Variants in GALNT13 observed in about 807,000 individuals in gnomAD.
The protein encoded by GALNT13 is UDP-GalNAc:polypeptide N-acetylgalactosaminyltransferase 13.
In GALNT13, 28 loss-of-function variants were observed where a neutral mutation model predicts 64.2. That is an observed-to-expected ratio of 0.44 (90% CI 0.32 to 0.60). GALNT13 has a LOEUF of 0.60. Ranked by LOEUF, GALNT13 falls within the 20% of genes least tolerant of loss-of-function variation. The probability of loss-of-function intolerance (pLI) is 0.05; values close to 1 mark genes in which losing one functional copy is unlikely to be tolerated. For synonymous variants in GALNT13, 214 were observed against 224.6 expected (o/e 0.95, Z 0.42); for missense variants, 577 against 669.8 (o/e 0.86, Z 1.53).
rs116804078 is a variant in GALNT13 at position 154,124,671 on chromosome 2, A to G, written c.143-15666A>G. 6.9e-3 allele frequency among the ~76,000 whole-genome samples: 1,044 copies of G among 151,990 alleles called. 8 individuals are homozygous for G. Among genetic ancestry groups the G allele is most frequent in the African/African-American group, 0.024 (979 of 41,524 alleles). On this transcript the variant is annotated intron_variant, in intron 3 of 12. Coordinates refer to ENST00000392825, the MANE Select transcript of GALNT13 (RefSeq NM_052917.4). The stretch of plus-strand genomic sequence containing the variant: ...GGGAAAGTTTAATTAATTTTAATAG[A>G]TATGGATTCTATGATTTAATATGAA...
chr2:153,848,720 T>A, the GALNT13 span, among the ~76,000 whole-genome samples: 1 of 151,958 alleles, frequency 6.6e-6, no homozygotes, highest in Non-Finnish European at 1.5e-5. Context: ...TATAAAAATA[T>A]ACAAACTTTT....
chr2:153,372,328 G>A, the GALNT13 span, among the ~76,000 whole-genome samples: 1 of 151,404 alleles, frequency 6.6e-6, no homozygotes, highest in East Asian at 1.9e-4. Flanking sequence ...TCTTCCCACA[G>A]AAAGAAATAA....
At chr2:153,463,650 A>G in the GALNT13 span, among the ~76,000 whole-genome samples, 1 of 152,050 alleles carries the variant, frequency 6.6e-6, no homozygotes, top group African/African-American at 2.4e-5. Context: ...GAGGAATGGA[A>G]AAGGAACGGA....
At chr2:153,346,203 A>C in the GALNT13 span, among the ~76,000 whole-genome samples, 1 of 152,282 alleles carries the variant, frequency 6.6e-6, no homozygotes, top group East Asian at 1.9e-4. Context: ...AGATTACAGC[A>C]TGAATCATAA....
chr2:153,085,344 A>G, the GALNT13 span, among the ~76,000 whole-genome samples: 1 of 152,150 alleles, frequency 6.6e-6, no homozygotes, highest in African/African-American at 2.4e-5. Context: ...TCCCCAAGAC[A>G]ATGGGGAAAA....
chr2:154,301,866 T>C (rs1418719235), intron 9 of GALNT13, among the ~76,000 whole-genome samples: 1 of 152,092 alleles, frequency 6.6e-6, no homozygotes, highest in Non-Finnish European at 1.5e-5. Context: ...CTATATTTAT[T>C]ATTAACTCGA....
intron 2 of GALNT13, among the ~76,000 whole-genome samples, chr2:153,943,964 C>T (rs949326278): frequency 6.6e-6 from 1 of 152,126 alleles, no homozygotes; most frequent in African/African-American, 2.4e-5. Context: ...CAGACCCAGA[C>T]GTGTCTGTCT....
At chr2:153,832,131 T>C in the GALNT13 span, among the ~76,000 whole-genome samples, 1 of 152,166 alleles carries the variant, frequency 6.6e-6, no homozygotes, top group Non-Finnish European at 1.5e-5. Flanking sequence ...ATAGCATAAA[T>C]GAAGTCTACC....
At chr2:153,676,088 A>ACTACAACT in the GALNT13 span, among the ~76,000 whole-genome samples, 1 of 152,144 alleles carries the variant, frequency 6.6e-6, no homozygotes, top group Admixed American at 6.6e-5. Flanking sequence ...AGTTTTTTGA[A>ACTACAACT]AGATCAACTA....
chr2:154,297,711 C>T (rs1313492625), intron 8 of GALNT13, among the ~76,000 whole-genome samples: 2 of 152,122 alleles, frequency 1.3e-5, no homozygotes, highest in South Asian at 2.1e-4. Context: ...AATTATTTTA[C>T]AGATAGCACT....
At chr2:154,365,461 C>T (rs568798292) in intron 9 of GALNT13, among the ~76,000 whole-genome samples, 3 of 152,206 alleles carry the variant, frequency 2.0e-5, no homozygotes, top group East Asian at 1.9e-4. Flanking sequence ...TAGAACTTGC[C>T]GTTTTTATTA....
chr2:154,293,888 C>G (rs1692775766), intron 8 of GALNT13, among the ~76,000 whole-genome samples: 2 of 152,062 alleles, frequency 1.3e-5, no homozygotes, highest in Admixed American at 6.6e-5. Context: ...TGACATTTAT[C>G]TGGTCAATAT....
the GALNT13 span, among the ~76,000 whole-genome samples, chr2:153,824,669 G>T: frequency 2.0e-5 from 3 of 152,104 alleles, no homozygotes; most frequent in African/African-American, 7.2e-5. Flanking sequence ...TTGAATCTGT[G>T]TTCTCAATCA....
At chr2:153,096,802 T>A in the GALNT13 span, among the ~76,000 whole-genome samples, 1 of 152,156 alleles carries the variant, frequency 6.6e-6, no homozygotes, top group Non-Finnish European at 1.5e-5. Flanking sequence ...ATGAGTCTTG[T>A]TTATTTTATC....
the GALNT13 span, among the ~76,000 whole-genome samples, chr2:153,242,205 G>T: frequency 4.9e-4 from 74 of 152,112 alleles, no homozygotes; most frequent in Admixed American, 2.6e-4. Flanking sequence ...TGGTAATGGT[G>T]GCCCAGGTTT....
intron 3 of GALNT13, among the ~76,000 whole-genome samples, chr2:153,960,785 C>G (rs1168750476): frequency 6.6e-6 from 1 of 152,070 alleles, no homozygotes; most frequent in African/African-American, 2.4e-5. Context: ...CCTCCTATCT[C>G]AGATTGATTA....
chr2:154,351,901 T>C (rs1696432915), intron 9 of GALNT13, among the ~76,000 whole-genome samples: 1 of 152,032 alleles, frequency 6.6e-6, no homozygotes, highest in Non-Finnish European at 1.5e-5. Flanking sequence ...TAATCAAGCA[T>C]AGACTATAAA....
intron 2 of GALNT13, among the ~76,000 whole-genome samples, chr2:153,922,715 A>T (rs1228339309): frequency 6.6e-6 from 1 of 152,024 alleles, no homozygotes; most frequent in Non-Finnish European, 1.5e-5. Flanking sequence ...CGCACAGCTA[A>T]CTTCTGGTGG....
At chr2:153,937,396 G>T (rs1691014244) in intron 2 of GALNT13, among the ~76,000 whole-genome samples, 1 of 152,144 alleles carries the variant, frequency 6.6e-6, no homozygotes. Context: ...GCAACATATT[G>T]TATGATTCAA....
Sources: allele counts gnomAD v4.1 joint callset (sites outside exome capture counted in the v4.1 genomes callset), GRCh38; gene constraint gnomAD v4.1.1; transcripts MANE v1.5; gene names NCBI Gene and HGNC (gene_info 2026-07-23, HGNC 2026-07-21).